DMD: variants seen among roughly 807,000 people sequenced by gnomAD.
DMD encodes the protein dystrophin.
DMD carries 63 observed loss-of-function variants against 330.1 expected under a neutral mutation model. The observed-to-expected ratio is 0.19, with a 90% CI of 0.16 to 0.24. DMD has a LOEUF of 0.24. DMD is among the 10% of genes least tolerant of loss of function. The probability of loss-of-function intolerance (pLI) is 1.00; values close to 1 mark genes in which losing one functional copy is unlikely to be tolerated. For synonymous variants in DMD, 1,223 were observed against 959.8 expected, an observed-to-expected ratio of 1.27 and a Z score of -5.07; for missense variants, 3,344 against 2,684.1, an observed-to-expected ratio of 1.25 and a Z score of -5.43.
intron 61 of DMD, among the ~76,000 whole-genome samples, chrX:31,340,834 C>T (rs1291553543): frequency 8.9e-6 from 1 of 112,100 alleles, no homozygotes; most frequent in Non-Finnish European, 1.9e-5. Flanking sequence ...TGAACATCTA[C>T]CAAGTACCAC....
chrX:31,699,596 A>C (rs1231308278), intron 52 of DMD, among the ~76,000 whole-genome samples: 1 of 112,264 alleles, frequency 8.9e-6, no homozygotes, highest in Non-Finnish European at 1.9e-5. Flanking sequence ...TCATTTCATA[A>C]TACACATGAG....
intron 52 of DMD, among the ~76,000 whole-genome samples, chrX:31,719,618 A>C (rs746804416): frequency 8.9e-6 from 1 of 112,034 alleles, no homozygotes; most frequent in Non-Finnish European, 1.9e-5. Context: ...TGTAGGATAA[A>C]GGACATGTAC....
chrX:31,920,711 C>G (rs767789501), intron 47 of DMD, among the ~76,000 whole-genome samples: 1 of 112,012 alleles, frequency 8.9e-6, no homozygotes, highest in African/African-American at 3.2e-5. Flanking sequence ...ATCATTTATA[C>G]TCTTCATCAT....
chrX:32,536,163 G>A (rs1171543876), intron 17 of DMD, among the ~76,000 whole-genome samples: 1 of 106,678 alleles, frequency 9.4e-6, no homozygotes, highest in Non-Finnish European at 1.9e-5. Context: ...TACTTGGGAG[G>A]CTGAGGCAGG....
At chrX:31,818,896 T>C (rs1421144125) in intron 50 of DMD, among the ~76,000 whole-genome samples, 4 of 111,549 alleles carry the variant, frequency 3.6e-5, no homozygotes, top group Non-Finnish European at 7.5e-5. Flanking sequence ...TAATGAATTA[T>C]GATTGTGCTA....
chrX:32,898,476 T>C lies in DMD; in HGVS notation c.94-48656A>G, dbSNP rs140040886. 3.4e-3 allele frequency among the ~76,000 whole-genome samples: 377 copies of C among 112,118 alleles called. 1 individual carries two copies. The highest frequency in any genetic ancestry group is 0.011 in the African/African-American group (352 of 30,865). Reference sequence around the variant, plus strand: ...ATGTTTTAGTGAACATTACTGCGCTTTGTGAAATAGGGACAACTCATAGGC... The same window carrying C: ...ATGTTTTAGTGAACATTACTGCGCTCTGTGAAATAGGGACAACTCATAGGC... On this transcript the variant is annotated intron_variant, in intron 2 of 78. Transcript: ENST00000357033.
At chrX:31,728,757 C>T (rs1472278321) in intron 52 of DMD, among the ~76,000 whole-genome samples, 1 of 111,501 alleles carries the variant, frequency 9.0e-6, no homozygotes, top group East Asian at 2.8e-4. Context: ...TCCTGCACTA[C>T]AAAGGATTCT....
chrX:32,650,632 G>A (rs190212170), intron 9 of DMD, among the ~76,000 whole-genome samples: 1 of 111,956 alleles, frequency 8.9e-6, no homozygotes, highest in East Asian at 2.8e-4. Context: ...TTACTGAAGT[G>A]ATTTATGAGA....
chrX:31,616,370 A>G (rs1336617148), intron 55 of DMD, among the ~76,000 whole-genome samples: 1 of 111,793 alleles, frequency 8.9e-6, no homozygotes, highest in Non-Finnish European at 1.9e-5. Context: ...TCATCGAAAG[A>G]CACAGAAGTA....
chrX:32,590,133 T>C (rs954376301), intron 13 of DMD, among the ~76,000 whole-genome samples: 1 of 112,387 alleles, frequency 8.9e-6, no homozygotes, highest in African/African-American at 3.2e-5. Context: ...AATTGTTTAA[T>C]GTCATCTGAT....
chrX:31,982,137 T>C (rs996893955), intron 44 of DMD, among the ~76,000 whole-genome samples: 3 of 112,327 alleles, frequency 2.7e-5, no homozygotes, highest in African/African-American at 6.5e-5. Flanking sequence ...TTTTGCAGTA[T>C]GAAAATTGAA....
intron 9 of DMD, among the ~76,000 whole-genome samples, chrX:32,666,871 A>G (rs912896084): frequency 1.8e-5 from 2 of 108,890 alleles, no homozygotes; most frequent in African/African-American, 6.7e-5. Context: ...AGGTTTTGTG[A>G]GGCAAGGAAT....
chrX:32,255,781 C>A (rs1164890970), intron 43 of DMD, among the ~76,000 whole-genome samples: 1 of 111,916 alleles, frequency 8.9e-6, no homozygotes, highest in African/African-American at 3.2e-5. Flanking sequence ...CATCACAAAT[C>A]ACAGAGTTAT....
At chrX:32,052,039 G>A (rs929132062) in intron 44 of DMD, among the ~76,000 whole-genome samples, 5 of 112,067 alleles carry the variant, frequency 4.5e-5, no homozygotes, top group African/African-American at 9.7e-5. Context: ...AGGAATTTTC[G>A]TATTGGGTAG....
chrX:31,765,602 T>C (rs145758200), intron 51 of DMD, among the ~76,000 whole-genome samples: 263 of 112,167 alleles, frequency 2.3e-3, no homozygotes, highest in Non-Finnish European at 4.1e-3. Context: ...ACTAGTAGTA[T>C]TTAATTACAG....
chrX:32,991,511 C>A (rs1014259040), intron 2 of DMD, among the ~76,000 whole-genome samples: 1 of 112,021 alleles, frequency 8.9e-6, no homozygotes, highest in Non-Finnish European at 1.9e-5. Context: ...ATGTAGCTAG[C>A]AAAATGGAGG....
chrX:32,399,087 A>C (rs1274712340), intron 30 of DMD, among the ~76,000 whole-genome samples: 2 of 112,199 alleles, frequency 1.8e-5, no homozygotes, highest in African/African-American at 3.2e-5. Flanking sequence ...AATCAAATCA[A>C]AATGGATTAA....
intron 1 of DMD, chrX:33,041,598 G>A (rs1244162273): frequency 1.4e-5 from 17 of 1,209,526 alleles, no homozygotes; most frequent in Non-Finnish European, 1.8e-5. Flanking sequence ...CAGATTGCCA[G>A]CGCAGGTTGG....
At position 32,875,049 on chromosome X, in the gene DMD, A is replaced by G. The variant is rs2083275807; in HGVS notation, c.94-25229T>C. ...GAATTCCTGATTCACAAAATCAGAT[A>G]AAAAGATAAAAGAGATGTTATTTTA... On this transcript the variant is annotated intron_variant, in intron 2 of 78. Coordinates refer to ENST00000357033, the MANE Select transcript of DMD (RefSeq NM_004006.3). Among the ~76,000 whole-genome samples the G allele has an allele frequency of 7.1e-5, 8 of 112,259 alleles. No homozygotes were observed. In the Admixed American group the frequency reaches 7.6e-4, roughly 11 times the overall value.
Sources: allele counts gnomAD v4.1 joint callset (sites outside exome capture counted in the v4.1 genomes callset), GRCh38; gene constraint gnomAD v4.1.1; transcripts MANE v1.5; gene names NCBI Gene and HGNC (gene_info 2026-07-23, HGNC 2026-07-21).